The following CCDC152 variants were observed in gnomAD, a reference collection of about 807,000 sequenced individuals.
CCDC152 encodes coiled-coil domain-containing protein 152.
CCDC152 carries 37 observed loss-of-function variants against 38.1 expected under a neutral mutation model. That is an observed-to-expected ratio of 0.97 (90% CI 0.75 to 1.28). The LOEUF is 1.28. Ranked by LOEUF, CCDC152 falls within the 50% of genes most tolerant of loss-of-function variation. The pLI, the probability that CCDC152 is intolerant of heterozygous loss-of-function variation, is 0.00. For missense variants in CCDC152, 259 were observed against 292.1 expected (o/e 0.89, Z 0.83); for synonymous variants, 83 against 87.1 (o/e 0.95, Z 0.26).
chr5:42,791,588 T>C (rs538128691), intron 6 of CCDC152, among the ~76,000 whole-genome samples: 1 of 152,348 alleles, frequency 6.6e-6, no homozygotes, highest in African/African-American at 2.4e-5. Flanking sequence ...AATATATTCC[T>C]ACTAGCATGC....
chr5:42,788,166 A>G (rs960714027), intron 6 of CCDC152, among the ~76,000 whole-genome samples: 38 of 151,780 alleles, frequency 2.5e-4, no homozygotes, highest in Admixed American at 2.2e-3. Context: ...ACTTATTTGG[A>G]AAAAAACTTT....
At chr5:42,799,610 A>G in intron 8 of CCDC152, 49 bp from the exon 9 acceptor site, 1 of 1,363,930 alleles carries the variant, frequency 7.3e-7, no homozygotes, top group South Asian at 1.3e-5. Context: ...TGTTCCTTGT[A>G]CTAAATTTTA....
chr5:42,791,030 G>C lies in CCDC152; in HGVS notation c.431-5799G>C, dbSNP rs115229605. 4.3e-3 allele frequency among the ~76,000 whole-genome samples: 660 copies of C among 152,270 alleles called. 8 individuals carry two copies. Among genetic ancestry groups the C allele is most frequent in the African/African-American group, 0.015 (639 of 41,538 alleles). On this transcript the variant is annotated intron_variant, in intron 6 of 8. Coordinates refer to ENST00000361970, the MANE Select transcript of CCDC152 (RefSeq NM_001134848.2). ...GGCCTCTCTTCCTAAAGGGATACTA[G>C]AAGTATTATTTAAGTGTTCTTCCTA...
At chr5:42,796,413 G>A (rs920881244) in intron 6 of CCDC152, among the ~76,000 whole-genome samples, 1 of 152,088 alleles carries the variant, frequency 6.6e-6, no homozygotes, top group South Asian at 2.1e-4. Context: ...ATTTGATAAA[G>A]CATAAAGATA....
intron 3 of CCDC152, among the ~76,000 whole-genome samples, chr5:42,767,388 A>T: frequency 6.6e-6 from 1 of 152,306 alleles, no homozygotes; most frequent in East Asian, 1.9e-4. Flanking sequence ...CAACTATTGT[A>T]TGAAATACAT....
rs999651086 is a variant in CCDC152, at chr5:42,759,121, C to T, written c.-1C>T. 3.9e-6 allele frequency: 6 copies of T among 1,545,880 alleles called. No homozygotes were observed. The African/African-American group carries it at 5.5e-5, about 14-fold the overall frequency. On this transcript the variant is annotated splice_region_variant and 5_prime_UTR_variant, in exon 2 of 9. Transcript: ENST00000361970. Reference sequence around the variant, plus strand: ...CTATCTACTGTTTACTACTTTCAGGCATGGACCAAAGCAGTGAAGGATGTA... The same window carrying T: ...CTATCTACTGTTTACTACTTTCAGGTATGGACCAAAGCAGTGAAGGATGTA...
chr5:42,785,187 G>T (rs1025233859), intron 6 of CCDC152, among the ~76,000 whole-genome samples: 4 of 152,036 alleles, frequency 2.6e-5, no homozygotes, highest in Non-Finnish European at 5.9e-5. Context: ...ATTGCTTTGG[G>T]TAGTATAGTC....
At chr5:42,787,981 TAG>T (rs1759945492) in intron 6 of CCDC152, among the ~76,000 whole-genome samples, 1 of 152,168 alleles carries the variant, frequency 6.6e-6, no homozygotes, top group African/African-American at 2.4e-5. Flanking sequence ...TTGTTCCCTT[TAG>T]AGTGTTGTTA....
At chr5:42,795,750 A>G (rs577560988) in intron 6 of CCDC152, among the ~76,000 whole-genome samples, 1 of 152,292 alleles carries the variant, frequency 6.6e-6, no homozygotes, top group African/African-American at 2.4e-5. Flanking sequence ...GTATATACCC[A>G]AAGGACTATA....
At chr5:42,765,196 A>G (rs1488123845) in intron 3 of CCDC152, among the ~76,000 whole-genome samples, 1 of 152,166 alleles carries the variant, frequency 6.6e-6, no homozygotes, top group African/African-American at 2.4e-5. Context: ...TTGAATACCT[A>G]GGAATTAACC....
intron 3 of CCDC152, among the ~76,000 whole-genome samples, chr5:42,766,754 G>C (rs1281013985): frequency 6.6e-6 from 1 of 152,108 alleles, no homozygotes; most frequent in East Asian, 1.9e-4. Context: ...GGTTACCAGA[G>C]GCTGGGAAGG....
chr5:42,800,568 A>C lies in CCDC152; in HGVS notation c.*787A>C. 1 of 917,046 alleles carries C rather than the reference A, an allele frequency of 1.1e-6. No homozygotes were observed. The highest frequency in any genetic ancestry group is 2.0e-5 in the South Asian group (1 of 49,348). 56.8% of individuals were successfully genotyped at this position (917,046 alleles called of 1,614,324 possible). A position where few individuals can be genotyped will look rare whatever the true frequency, so the allele number is the denominator to read the frequency against. On this transcript the variant is annotated 3_prime_UTR_variant, in exon 9 of 9. Coordinates refer to ENST00000361970, the MANE Select transcript of CCDC152 (RefSeq NM_001134848.2). Reference sequence around the variant, plus strand: ...TTTGAGTCAATATTTCTATGACATAAAATTTAAAATCTGGAAGCCAATTCA... The same window carrying C: ...TTTGAGTCAATATTTCTATGACATACAATTTAAAATCTGGAAGCCAATTCA...
rs764096154 is a variant in CCDC152 at position 42,800,952 on chromosome 5, C to T, written c.*1171C>T. ...CCCTGTTTTTTCAAATATCAGATGT[C>T]GACAATGGCAGCATCAGCTCCTAGG... On this transcript the variant is annotated 3_prime_UTR_variant, in exon 9 of 9. Transcript: ENST00000361970. 8.1e-6 allele frequency: 13 copies of T among 1,614,082 alleles called. No homozygotes were observed. Among genetic ancestry groups the T allele is most frequent in the Admixed American group, 1.7e-5 (1 of 60,008 alleles).
chr5:42,769,300 G>C (rs1759667653), intron 3 of CCDC152, among the ~76,000 whole-genome samples: 2 of 151,572 alleles, frequency 1.3e-5, no homozygotes, highest in Admixed American at 6.6e-5. Flanking sequence ...TAAGGTGCTT[G>C]GCTGCTTTAT....
At chr5:42,783,936 A>G (rs2910854) in intron 6 of CCDC152, among the ~76,000 whole-genome samples, 107,331 of 152,040 alleles carry the variant, frequency 0.71, 38,458 homozygotes, top group East Asian at 0.86. Context: ...TCTCTTTTAC[A>G]GCTGCGTAGT....
At position 42,799,699 on chromosome 5, in the gene CCDC152, C is replaced by T; in HGVS notation, c.683C>T (p.Ala228Val). 6.5e-7 allele frequency: 1 copy of T among 1,549,556 alleles called. No individual in the cohort carries two copies. ...CAAGAAGAAAAAAACAAGGAGATTGCAATTCTTCGTAATACCATTCGCGAT... is the reference window on the plus strand; with the variant it reads ...CAAGAAGAAAAAAACAAGGAGATTGTAATTCTTCGTAATACCATTCGCGAT... The part of the protein sequence containing the change: ...HFQEEKNKEI[A>V]ILRNTIRDLE... The change falls in exon 9 of 9, where the codon GCA becomes GTA. Residue 228 changes from alanine (A) to valine (V), a missense_variant. Coordinates refer to ENST00000361970, the MANE Select transcript of CCDC152 (RefSeq NM_001134848.2).
At chr5:42,758,955 C>T (rs1160914252) in intron 1 of CCDC152, among the ~76,000 whole-genome samples, 165 bp from the exon 2 acceptor site, 2 of 152,084 alleles carry the variant, frequency 1.3e-5, no homozygotes, top group African/African-American at 4.8e-5. Flanking sequence ...TGCATTTGAC[C>T]ACTGTTAATA....
intron 3 of CCDC152, among the ~76,000 whole-genome samples, chr5:42,768,159 T>A (rs1359255469): frequency 6.6e-6 from 1 of 152,200 alleles, no homozygotes; most frequent in Admixed American, 6.5e-5. Context: ...GAATCTCTAA[T>A]TAAAAGGTGA....
chr5:42,784,705 T>C (rs909018921), intron 6 of CCDC152, among the ~76,000 whole-genome samples: 2 of 152,184 alleles, frequency 1.3e-5, no homozygotes, highest in African/African-American at 4.8e-5. Flanking sequence ...TTTTCCTATG[T>C]TTTCTTTTAG....
Sources: gnomAD v4.1 joint callset for allele counts (sites outside exome capture counted in the v4.1 genomes callset) on GRCh38, gnomAD v4.1.1 for gene constraint, MANE v1.5 for transcripts, NCBI Gene and HGNC (gene_info 2026-07-23, HGNC 2026-07-21) for gene names.